The following TPRG1 variants were observed in gnomAD, a reference collection of about 807,000 sequenced individuals.
TPRG1 encodes tumor protein p63 regulated 1, also known as tumor protein p63-regulated gene 1 protein.
A neutral mutation model predicts 29.3 loss-of-function variants in TPRG1; 29 were observed. The observed-to-expected ratio is 0.99, with a 90% CI of 0.74 to 1.35. The LOEUF (loss-of-function observed/expected upper bound fraction) is 1.35, where lower values mean the gene tolerates loss of function less well. Among genes scored for constraint, TPRG1 ranks in the 40% most tolerant of loss-of-function variants. The pLI, the probability that TPRG1 is intolerant of heterozygous loss-of-function variation, is 0.00. For synonymous variants in TPRG1, 130 were observed against 116.8 expected, an observed-to-expected ratio of 1.11 and a Z score of -0.73; for missense variants, 327 against 335.0, an observed-to-expected ratio of 0.98 and a Z score of 0.19.
At chr3:189,187,118 C>G (rs1290654425) in intron 1 of TPRG1, among the ~76,000 whole-genome samples, 1 of 150,008 alleles carries the variant, frequency 6.7e-6, no homozygotes, top group Non-Finnish European at 1.5e-5. Context: ...TCCTGAGTAG[C>G]TGGGATCACA....
chr3:189,269,954 A>C (rs1453182772), intron 4 of TPRG1, among the ~76,000 whole-genome samples: 1 of 152,114 alleles, frequency 6.6e-6, no homozygotes, highest in Non-Finnish European at 1.5e-5. Flanking sequence ...GGTTGAGTAG[A>C]TATAGAGTTT....
chr3:189,158,933 T>G (rs1412735975), intron 5 of TPRG1, among the ~76,000 whole-genome samples: 1 of 151,278 alleles, frequency 6.6e-6, no homozygotes, highest in African/African-American at 2.4e-5. Flanking sequence ...TTTTTGTTTT[T>G]TTTTGTTTTT....
chr3:189,214,829 G>A (rs1735782765), intron 2 of TPRG1, among the ~76,000 whole-genome samples: 2 of 152,074 alleles, frequency 1.3e-5, no homozygotes, highest in Non-Finnish European at 2.9e-5. Context: ...GGGGAAGGAA[G>A]CAGAAAATGA....
chr3:189,114,472 A>G (rs1386722565), intron 1 of TPRG1, among the ~76,000 whole-genome samples: 1 of 152,094 alleles, frequency 6.6e-6, no homozygotes, highest in Admixed American at 6.6e-5. Flanking sequence ...TAGTAGAGAC[A>G]GGGTTTCACC....
At chr3:189,264,063 T>G (rs1232357490) in intron 4 of TPRG1, among the ~76,000 whole-genome samples, 3 of 152,164 alleles carry the variant, frequency 2.0e-5, no homozygotes, top group African/African-American at 7.2e-5. Flanking sequence ...AGTCTCCACC[T>G]CAACTGGAAA....
rs914593642 is a variant in TPRG1, at chr3:189,321,379, G to A, written c.*559G>A. 2 of 151,868 alleles carry A rather than the reference G, an allele frequency of 1.3e-5. No homozygotes were observed. Among genetic ancestry groups the A allele is most frequent in the African/African-American group, 4.8e-5 (2 of 41,346 alleles). The allele number at this position is 151,868 out of a possible 1,614,324, so 9.4% of individuals were successfully genotyped here. On this transcript the variant is annotated 3_prime_UTR_variant, in exon 6 of 6. Coordinates refer to ENST00000345063, the MANE Select transcript of TPRG1 (RefSeq NM_198485.4). ...CTTAATTGAGCATTATCAAAATCCT[G>A]TGGTATTTATATGGTCCCAGTTATC...
At chr3:189,158,203 A>T (rs1161760924) in intron 5 of TPRG1, among the ~76,000 whole-genome samples, 2 of 152,110 alleles carry the variant, frequency 1.3e-5, no homozygotes, top group African/African-American at 4.8e-5. Flanking sequence ...AACTGCTCTT[A>T]CCCTGTTTCA....
chr3:189,154,089 G>A (rs1477612393), intron 5 of TPRG1, among the ~76,000 whole-genome samples: 1 of 152,204 alleles, frequency 6.6e-6, no homozygotes, highest in Non-Finnish European at 1.5e-5. Context: ...TAAATGGAGA[G>A]AGGATGAGGC....
In TPRG1 at chr3:189,016,850, GCCTACAGAACTGTGAGTCAATTAAA is replaced by G. The variant is rs551867603; in HGVS notation, c.-659-6896_-659-6872del. 2.1e-3 allele frequency among the ~76,000 whole-genome samples: 327 copies of G among 152,222 alleles called. 2 individuals are homozygous for G. The highest frequency in any genetic ancestry group is 7.6e-3 in the African/African-American group (316 of 41,528). ...GCCCCCCAGTCATGCTTTCTATTAAGCCTACAGAACTGTGAGTCAATTAAACCTCTTTTCTTCATAAATTACTCAG... is the reference window on the plus strand; with the variant it reads ...GCCCCCCAGTCATGCTTTCTATTAAGCCTCTTTTCTTCATAAATTACTCAG... On this transcript the variant is annotated intron_variant, in intron 3 of 10. Coordinates refer to the TPRG1 transcript ENST00000433971.
intron 5 of TPRG1, among the ~76,000 whole-genome samples, chr3:189,157,350 T>C (rs995756515): frequency 1.3e-5 from 2 of 152,184 alleles, no homozygotes; most frequent in African/African-American, 4.8e-5. Context: ...AGGATGCAGT[T>C]AAGAGGCCTT....
At chr3:189,267,190 T>A (rs1300782431) in intron 4 of TPRG1, among the ~76,000 whole-genome samples, 1 of 152,230 alleles carries the variant, frequency 6.6e-6, no homozygotes, top group African/African-American at 2.4e-5. Flanking sequence ...TAACATGCTG[T>A]TACATGTTTA....
chr3:189,118,344 G>T (rs1721422204), intron 1 of TPRG1, among the ~76,000 whole-genome samples: 1 of 152,182 alleles, frequency 6.6e-6, no homozygotes, highest in Non-Finnish European at 1.5e-5. Context: ...GCATTCAAGA[G>T]GAAGCAGAGC....
chr3:189,159,436 A>T (rs1458348854), intron 5 of TPRG1, among the ~76,000 whole-genome samples: 1 of 152,098 alleles, frequency 6.6e-6, no homozygotes, highest in Non-Finnish European at 1.5e-5. Context: ...AGAGACGGAG[A>T]ATTGAGGCGA....
chr3:189,233,742 T>A (rs1367427078), intron 3 of TPRG1, among the ~76,000 whole-genome samples: 1 of 152,186 alleles, frequency 6.6e-6, no homozygotes, highest in Non-Finnish European at 1.5e-5. Context: ...AAGCACTGAT[T>A]CTACACTAGA....
intron 5 of TPRG1, among the ~76,000 whole-genome samples, chr3:189,315,884 T>C (rs1723432706): frequency 6.6e-6 from 1 of 152,092 alleles, no homozygotes; most frequent in Non-Finnish European, 1.5e-5. Context: ...GTACTAAGAT[T>C]GTAAATAGGG....
At chr3:189,022,543 C>T (rs1190165717) in intron 3 of TPRG1, among the ~76,000 whole-genome samples, 12 of 149,260 alleles carry the variant, frequency 8.0e-5, no homozygotes, top group Admixed American at 3.4e-4. Context: ...TTAGGCTGCT[C>T]GGGGGTCAGG....
intron 4 of TPRG1, among the ~76,000 whole-genome samples, chr3:189,090,883 G>A (rs988105600): frequency 4.6e-5 from 7 of 151,956 alleles, no homozygotes; most frequent in Non-Finnish European, 1.0e-4. Flanking sequence ...GATTAATGAC[G>A]TTTTGCAATT....
intron 5 of TPRG1, among the ~76,000 whole-genome samples, chr3:189,312,149 CTTTCTTTCTT>C (rs1722697042): frequency 2.0e-5 from 1 of 50,630 alleles, no homozygotes; most frequent in African/African-American, 8.3e-5. Flanking sequence ...TTCTTTCTTT[CTTTCTTTCTT>C]TCTTTCTTTC....
At chr3:189,009,206 G>A (rs913262727) in intron 3 of TPRG1, among the ~76,000 whole-genome samples, 1 of 152,100 alleles carries the variant, frequency 6.6e-6, no homozygotes, top group African/African-American at 2.4e-5. Flanking sequence ...GAGCTACAGA[G>A]TCCAAATTTG....
Sources: gnomAD v4.1 joint callset for allele counts (sites outside exome capture counted in the v4.1 genomes callset) on GRCh38, gnomAD v4.1.1 for gene constraint, MANE v1.5 for transcripts, NCBI Gene and HGNC (gene_info 2026-07-23, HGNC 2026-07-21) for gene names.